The following SNX24 variants were observed in gnomAD, a reference collection of about 807,000 sequenced individuals.
SNX24 encodes sorting nexin 24, also known as sorting nexin-24.
SNX24 carries 22 observed loss-of-function variants against 28.7 expected under a neutral mutation model. That is an observed-to-expected ratio of 0.77 (90% CI 0.55 to 1.10). SNX24 has a LOEUF of 1.10. SNX24 is among the 50% of genes least tolerant of loss of function. The probability of loss-of-function intolerance (pLI) is 0.00; values close to 1 mark genes in which losing one functional copy is unlikely to be tolerated. For synonymous variants in SNX24, 69 were observed against 71.5 expected (o/e 0.96, Z 0.18); for missense variants, 221 against 201.1 (o/e 1.10, Z -0.60).
At chr5:122,855,507 A>C (rs527463016) in intron 1 of SNX24, among the ~76,000 whole-genome samples, 35 of 152,322 alleles carry the variant, frequency 2.3e-4, no homozygotes, top group Admixed American at 1.2e-3. Flanking sequence ...GTGTCTGGGC[A>C]TGGTGGCTCT....
downstream of SNX24, among the ~76,000 whole-genome samples, chr5:123,013,330 A>C (rs1328339720): frequency 6.6e-6 from 1 of 152,232 alleles, no homozygotes; most frequent in Non-Finnish European, 1.5e-5. Flanking sequence ...TGAATTGGAC[A>C]TAAAGTTCAG....
intron 5 of SNX24, among the ~76,000 whole-genome samples, chr5:123,026,503 A>G (rs1432628158): frequency 6.6e-6 from 1 of 152,198 alleles, no homozygotes; most frequent in African/African-American, 2.4e-5. Flanking sequence ...CCTATTTTAC[A>G]ATGGGAAACA....
intron 3 of SNX24, among the ~76,000 whole-genome samples, chr5:122,985,495 T>C (rs996056086): frequency 6.6e-6 from 1 of 152,196 alleles, no homozygotes; most frequent in Non-Finnish European, 1.5e-5. Context: ...TGTAAAGTGC[T>C]CTTGAGCTTA....
At chr5:122,984,825 T>C (rs1005482951) in intron 3 of SNX24, among the ~76,000 whole-genome samples, 6 of 152,214 alleles carry the variant, frequency 3.9e-5, no homozygotes, top group Admixed American at 1.3e-4. Context: ...TTAGCACTTA[T>C]TAGGATAATA....
chr5:123,018,023 A>G (rs897722867), intron 5 of SNX24, among the ~76,000 whole-genome samples: 5 of 152,018 alleles, frequency 3.3e-5, no homozygotes, highest in Admixed American at 2.6e-4. Context: ...CTTGCCCTAG[A>G]GAGGAGCTTC....
intron 1 of SNX24, among the ~76,000 whole-genome samples, chr5:122,866,664 A>G (rs759731719): frequency 2.0e-5 from 3 of 152,208 alleles, no homozygotes; most frequent in Non-Finnish European, 2.9e-5. Flanking sequence ...GCTTGAAGGG[A>G]TCTGCCATAT....
intron 1 of SNX24, among the ~76,000 whole-genome samples, chr5:122,860,997 C>T (rs1755434255): frequency 6.6e-6 from 1 of 152,108 alleles, no homozygotes; most frequent in Non-Finnish European, 1.5e-5. Context: ...CAGGTGGGGT[C>T]TTTTTACCAC....
At chr5:122,905,404 CCACT>C (rs1477612451) in intron 1 of SNX24, among the ~76,000 whole-genome samples, 4 of 152,210 alleles carry the variant, frequency 2.6e-5, no homozygotes, top group Non-Finnish European at 5.9e-5. Context: ...CCTGCCTCAG[CCACT>C]CACTCAGGAG....
At chr5:122,963,552 G>A (rs1760573784) in intron 3 of SNX24, among the ~76,000 whole-genome samples, 1 of 152,196 alleles carries the variant, frequency 6.6e-6, no homozygotes, top group African/African-American at 2.4e-5. Context: ...TAAGGTGGCT[G>A]TGGGCTCTAC....
intron 1 of SNX24, among the ~76,000 whole-genome samples, chr5:122,922,642 C>T (rs1017914252): frequency 2.0e-5 from 3 of 152,014 alleles, no homozygotes; most frequent in African/African-American, 7.3e-5. Context: ...TCATATTCTG[C>T]AGTTGCCATC....
At chr5:122,944,398 T>C (rs1391934710) in intron 2 of SNX24, among the ~76,000 whole-genome samples, 1 of 150,618 alleles carries the variant, frequency 6.6e-6, no homozygotes, top group Non-Finnish European at 1.5e-5. Flanking sequence ...AGTTTATAGC[T>C]CAGCATCTTA....
intron 1 of SNX24, among the ~76,000 whole-genome samples, chr5:122,863,061 A>G (rs1198562745): frequency 1.3e-5 from 2 of 152,254 alleles, no homozygotes; most frequent in Non-Finnish European, 2.9e-5. Context: ...AAAACAATCA[A>G]AATTCTCTAC....
In SNX24 at chr5:123,001,411, T is replaced by A; in HGVS notation, c.351T>A (p.Phe117Leu). Residue 117 changes from phenylalanine (F) to leucine (L), a missense_variant, in exon 5 of 7, where the codon TTT becomes TTA. Coordinates refer to ENST00000261369, the MANE Select transcript of SNX24 (RefSeq NM_014035.4). ...CCTTTTTCAAAACTTTTAGATCTTT[T>A]GATGAAACAGAGTCTGAAGAGTCAA... ...SLPKAESCGS[F>L]DETESEESSK... 6.2e-7 allele frequency: 1 copy of A among 1,604,424 alleles called. No individual in the cohort carries two copies. Among genetic ancestry groups the A allele is most frequent in the Non-Finnish European group, 8.5e-7 (1 of 1,172,200 alleles).
At chr5:123,017,962 A>G (rs893319852) in intron 5 of SNX24, among the ~76,000 whole-genome samples, 1 of 152,102 alleles carries the variant, frequency 6.6e-6, no homozygotes, top group South Asian at 2.1e-4. Flanking sequence ...CTGAACATTA[A>G]TTAGGTGTGA....
intron 1 of SNX24, among the ~76,000 whole-genome samples, chr5:122,911,004 A>C (rs952373297): frequency 6.6e-6 from 1 of 152,220 alleles, no homozygotes; most frequent in African/African-American, 2.4e-5. Flanking sequence ...TGGCTGGGTC[A>C]AATGGTATTT....
chr5:122,911,383 G>C (rs557640887), intron 1 of SNX24, among the ~76,000 whole-genome samples: 1 of 152,292 alleles, frequency 6.6e-6, no homozygotes, highest in South Asian at 2.1e-4. Flanking sequence ...TTCGTCAGAT[G>C]AGTAGGTTGT....
chr5:122,975,609 A>G (rs1332981415), intron 3 of SNX24, among the ~76,000 whole-genome samples: 1 of 152,234 alleles, frequency 6.6e-6, no homozygotes, highest in African/African-American at 2.4e-5. Context: ...AATATATTCA[A>G]GACATATGAC....
intron 5 of SNX24, chr5:123,023,930 T>C: frequency 6.2e-7 from 1 of 1,614,122 alleles, no homozygotes; most frequent in Non-Finnish European, 8.5e-7. Flanking sequence ...CTTGCCACTG[T>C]TGATGATCGA....
rs45608144 is a variant in SNX24 at position 123,025,712 on chromosome 5, TTAAAA to T, written n.384-3521_384-3517del. The T allele has an allele frequency of 9.5e-6, 14 of 1,469,262 alleles. No homozygotes were observed. In the African/African-American group the frequency reaches 1.7e-4, roughly 18 times the overall value. 91.0% of individuals were successfully genotyped at this position (1,469,262 alleles called of 1,614,324 possible). On this transcript the variant is annotated intron_variant and non_coding_transcript_variant, in intron 5 of 5. Coordinates refer to the SNX24 transcript ENST00000502387. ...GATCTCTAACAAGCATATTTTAAGA[TTAAAA>T]TAAATCACTGAAAGTACTCTCAATA...
Sources: allele counts gnomAD v4.1 joint callset (sites outside exome capture counted in the v4.1 genomes callset), GRCh38; gene constraint gnomAD v4.1.1; transcripts MANE v1.5; gene names NCBI Gene and HGNC (gene_info 2026-07-23, HGNC 2026-07-21).